The following PFKFB3 variants were observed in gnomAD, a reference collection of about 807,000 sequenced individuals.
The protein encoded by PFKFB3 is 6-phosphofructo-2-kinase/fructose-2,6-biphosphatase 3.
Under a neutral mutation model 68.0 loss-of-function variants are expected in PFKFB3, and 33 were observed. The observed-to-expected ratio is 0.49, with a 90% CI of 0.37 to 0.65. The LOEUF (loss-of-function observed/expected upper bound fraction) is 0.65, where lower values mean the gene tolerates loss of function less well. PFKFB3 is among the 30% of genes least tolerant of loss of function. The pLI, the probability that PFKFB3 is intolerant of heterozygous loss-of-function variation, is 0.00. For missense variants in PFKFB3, 586 were observed against 712.2 expected (o/e 0.82, Z 2.02); for synonymous variants, 315 against 288.2 (o/e 1.09, Z -0.94).
intron 1 of PFKFB3, among the ~76,000 whole-genome samples, chr10:6,171,244 G>C (rs1355069321): frequency 3.3e-5 from 5 of 151,860 alleles, no homozygotes; most frequent in Non-Finnish European, 7.4e-5. Flanking sequence ...TAGTAGAGAC[G>C]GGATTTCTCC....
rs189922390 is a variant in PFKFB3 at position 6,224,045 on chromosome 10, C to G, written c.1276+25C>G. The G allele has an allele frequency of 4.7e-4, 762 of 1,614,002 alleles. 6 individuals are homozygous for G. The African/African-American group carries it at 9.3e-3, about 20-fold the overall frequency. ...GGTGAGTAGCAACCCCTGCCAAGCC[C>G]TGTCCCCCTGAAGGTGGCCACAGTA... On this transcript the variant is annotated intron_variant, in intron 12 of 14. Transcript: ENST00000379775.
the PFKFB3 span, among the ~76,000 whole-genome samples, chr10:6,279,388 C>T: frequency 4.6e-5 from 7 of 152,234 alleles, no homozygotes; most frequent in South Asian, 2.1e-4. Flanking sequence ...TGCCGCCAAT[C>T]GGGTTTCTAT....
In PFKFB3 at chr10:6,202,938, G is replaced by A. The variant is rs1843428370; in HGVS notation, c.-323G>A. The stretch of plus-strand genomic sequence containing the variant: ...GCGGTGCGCGGGGCATCCCAGCCAA[G>A]CCGGAGAGGAGGCGAGCAGCAGGGC... On this transcript the variant is annotated 5_prime_UTR_variant, in exon 1 of 15. Transcript: ENST00000379775. 1.4e-5 allele frequency: 17 copies of A among 1,231,928 alleles called. No individual in the cohort carries two copies. Among genetic ancestry groups the A allele is most frequent in the South Asian group, 2.0e-5 (1 of 48,832 alleles). 76.3% of individuals were successfully genotyped at this position (1,231,928 alleles called of 1,614,324 possible).
chr10:6,210,364 G>GTT lies in PFKFB3; in HGVS notation c.77-3246_77-3245dup, dbSNP rs1375867755. Among the ~76,000 whole-genome samples, 199 of 58,622 alleles carry GTT rather than the reference G, an allele frequency of 3.4e-3. 18 individuals carry two copies. Among genetic ancestry groups the GTT allele is most frequent in the East Asian group, 0.011 (22 of 1,966 alleles). 38.5% of individuals were successfully genotyped at this position (58,622 alleles called of 152,430 possible). A position where few individuals can be genotyped will look rare whatever the true frequency, so the allele number is the denominator to read the frequency against. On this transcript the variant is annotated intron_variant, in intron 1 of 14. Coordinates refer to ENST00000379775, the MANE Select transcript of PFKFB3 (RefSeq NM_004566.4). ...TTTTTTTGTTTTTTTTTGTTTTTTTGTTTTTTTTTTTTTTGAGACGAAGTT... is the reference window on the plus strand; with the variant it reads ...TTTTTTTGTTTTTTTTTGTTTTTTTGTTTTTTTTTTTTTTTTGAGACGAAGTT...
At chr10:6,176,259 G>C (rs1275849136) in intron 1 of PFKFB3, among the ~76,000 whole-genome samples, 1 of 152,206 alleles carries the variant, frequency 6.6e-6, no homozygotes, top group South Asian at 2.1e-4. Flanking sequence ...TGTATCCGAT[G>C]TCAAGACATG....
At chr10:6,284,866 C>T in the PFKFB3 span, among the ~76,000 whole-genome samples, 1 of 152,180 alleles carries the variant, frequency 6.6e-6, no homozygotes, top group Non-Finnish European at 1.5e-5. Context: ...GCTTATTTCA[C>T]TTACAATAAT....
intron 14 of PFKFB3, among the ~76,000 whole-genome samples, chr10:6,245,408 A>ATTATTG (rs931572440): frequency 1.4e-5 from 2 of 147,696 alleles, no homozygotes; most frequent in Non-Finnish European, 3.0e-5. Context: ...TTGATTTATT[A>ATTATTG]TTATTATTAT....
At chr10:6,171,400 CTTTT>C (rs76434176) in intron 1 of PFKFB3, among the ~76,000 whole-genome samples, 2 of 141,622 alleles carry the variant, frequency 1.4e-5, no homozygotes, top group Non-Finnish European at 1.6e-5. Context: ...TTCTTTCTTT[CTTTT>C]TTTTTTTTTT....
At chr10:6,214,079 C>A (rs1341459680) in intron 2 of PFKFB3, among the ~76,000 whole-genome samples, 1 of 152,190 alleles carries the variant, frequency 6.6e-6, no homozygotes, top group East Asian at 1.9e-4. Flanking sequence ...CTGCTGATAG[C>A]CCTAAGCACT....
In PFKFB3 at chr10:6,177,408, C is replaced by G. The variant is rs747910039; in HGVS notation, c.16+32395C>G. On this transcript the variant is annotated intron_variant, in intron 1 of 14. Coordinates refer to the PFKFB3 transcript ENST00000379789. ...TCTTTCTTTCTTTCTTTCTTTCTTT[C>G]TTCTTTCTCTTTCTTCCTTTCTTTT... Among the ~76,000 whole-genome samples, 6 of 52,624 alleles carry G rather than the reference C, an allele frequency of 1.1e-4. No individual in the cohort carries two copies. In the East Asian group the frequency reaches 2.3e-3, roughly 20 times the overall value. 34.5% of individuals were successfully genotyped at this position (52,624 alleles called of 152,430 possible).
At chr10:6,147,627 G>C (rs1386203215) in intron 1 of PFKFB3, among the ~76,000 whole-genome samples, 1 of 152,262 alleles carries the variant, frequency 6.6e-6, no homozygotes, top group African/African-American at 2.4e-5. Flanking sequence ...CAGCCTGACA[G>C]GGACTGTGGC....
the PFKFB3 span, among the ~76,000 whole-genome samples, chr10:6,306,378 T>C: frequency 2.0e-5 from 3 of 152,136 alleles, no homozygotes; most frequent in African/African-American, 7.2e-5. Flanking sequence ...AAAATATCTG[T>C]GGAATGGTTA....
At position 6,158,067 on chromosome 10, in the gene PFKFB3, C is replaced by T. The variant is rs796161145; in HGVS notation, c.16+13054C>T. Reference sequence around the variant, plus strand: ...TTGGGAAGTCGAGACGGGTGGATCACGAGGTCAGGAGATCGAGACCATCCT... The same window carrying T: ...TTGGGAAGTCGAGACGGGTGGATCATGAGGTCAGGAGATCGAGACCATCCT... On this transcript the variant is annotated intron_variant, in intron 1 of 14. Coordinates refer to the PFKFB3 transcript ENST00000379789. Among the ~76,000 whole-genome samples, 10 of 151,138 alleles carry T rather than the reference C, an allele frequency of 6.6e-5. No homozygotes were observed. In the East Asian group the frequency reaches 2.0e-3, roughly 30 times the overall value.
At position 6,206,559 on chromosome 10, in the gene PFKFB3, G is replaced by A. The variant is rs1188162683; in HGVS notation, c.76+3223G>A. On this transcript the variant is annotated intron_variant, in intron 1 of 14. Coordinates refer to ENST00000379775, the MANE Select transcript of PFKFB3 (RefSeq NM_004566.4). ...CAGAGGCGCCCCTCACCTCCCGGAC[G>A]GGGCGGCTGGCCGGGCAGGGGCTGA... Among the ~76,000 whole-genome samples the A allele has an allele frequency of 5.4e-3, 348 of 64,346 alleles. 4 individuals carry two copies. The highest frequency in any genetic ancestry group is 0.02 in the African/African-American group (336 of 16,396). The allele number at this position is 64,346 out of a possible 152,430, so 42.2% of individuals were successfully genotyped here. A position where few individuals can be genotyped will look rare whatever the true frequency, so the allele number is the denominator to read the frequency against.
At position 6,228,425 on chromosome 10, in the gene PFKFB3, C is replaced by T. The variant is rs2132028922; in HGVS notation, c.1515+2060C>T. On this transcript the variant is annotated intron_variant, in intron 14 of 14. Coordinates refer to ENST00000379775, the MANE Select transcript of PFKFB3 (RefSeq NM_004566.4). The surrounding 1 kb of genome is among the most constrained non-coding windows in gnomAD (Gnocchi z 4.5). ...CGTGCAGGCGGTCATGGTGGCTGCA[C>T]TACTGTTGGGTGTGTTCCGACACCG... 1 of 646,620 alleles carries T rather than the reference C, an allele frequency of 1.5e-6. No homozygotes were observed. Among genetic ancestry groups the T allele is most frequent in the East Asian group, 2.7e-5 (1 of 36,398 alleles). 40.1% of individuals were successfully genotyped at this position (646,620 alleles called of 1,614,324 possible).
chr10:6,235,809 C>T (rs1244151052), downstream of PFKFB3, among the ~76,000 whole-genome samples: 1 of 149,660 alleles, frequency 6.7e-6, no homozygotes, highest in African/African-American at 2.5e-5. Context: ...CTCTGTCGCC[C>T]AGGCTGGAGT....
At chr10:6,260,337 C>T in the PFKFB3 span, among the ~76,000 whole-genome samples, 1 of 147,738 alleles carries the variant, frequency 6.8e-6, no homozygotes, top group Admixed American at 7.0e-5. Context: ...TGGCATGAAC[C>T]CGGGAGGCAG....
intron 1 of PFKFB3, among the ~76,000 whole-genome samples, chr10:6,187,198 TAA>T (rs770875957): frequency 7.0e-6 from 1 of 142,096 alleles, no homozygotes; most frequent in East Asian, 2.0e-4. Context: ...CTGTTTCTAC[TAA>T]AAAAAAAAAA....
At chr10:6,308,254 C>A in the PFKFB3 span, among the ~76,000 whole-genome samples, 1 of 152,194 alleles carries the variant, frequency 6.6e-6, no homozygotes, top group Non-Finnish European at 1.5e-5. Flanking sequence ...GGCTCATGCC[C>A]ATAATCCCAA....
Sources: allele counts gnomAD v4.1 joint callset (sites outside exome capture counted in the v4.1 genomes callset), GRCh38; gene constraint gnomAD v4.1.1; non-coding constraint Gnocchi (gnomAD v3.1); transcripts MANE v1.5; gene names NCBI Gene and HGNC (gene_info 2026-07-23, HGNC 2026-07-21).